Variants in GALNT13 observed in about 807,000 individuals in gnomAD.
GALNT13 encodes UDP-GalNAc:polypeptide N-acetylgalactosaminyltransferase 13.
A neutral mutation model predicts 64.2 loss-of-function variants in GALNT13; 28 were observed. The ratio of observed to expected loss-of-function variants is 0.44; its 90% CI spans 0.32 to 0.60. The LOEUF (loss-of-function observed/expected upper bound fraction) is 0.60. GALNT13 is among the 20% of genes least tolerant of loss of function. GALNT13 has a pLI of 0.05. For synonymous variants in GALNT13, 214 were observed against 224.6 expected, an observed-to-expected ratio of 0.95 and a Z score of 0.42; for missense variants, 577 against 669.8, an observed-to-expected ratio of 0.86 and a Z score of 1.53.
the GALNT13 span, among the ~76,000 whole-genome samples, chr2:153,721,420 C>T: frequency 7.6e-5 from 11 of 144,718 alleles, no homozygotes; most frequent in African/African-American, 2.7e-4. Context: ...GCAAAATCAC[C>T]AGCTAACATC....
At chr2:153,794,345 C>T in the GALNT13 span, among the ~76,000 whole-genome samples, 3 of 151,948 alleles carry the variant, frequency 2.0e-5, no homozygotes, top group Non-Finnish European at 4.4e-5. Flanking sequence ...TCTCTCTCTC[C>T]TAAGTCATTT....
the GALNT13 span, chr2:153,421,471 G>T: frequency 4.5e-6 from 1 of 221,464 alleles, no homozygotes; most frequent in South Asian, 9.0e-5. Context: ...GAAACCTGCA[G>T]GGCTAGGTAA....
chr2:154,263,953 G>T (rs1206552918), intron 8 of GALNT13, among the ~76,000 whole-genome samples: 1 of 152,146 alleles, frequency 6.6e-6, no homozygotes, highest in Admixed American at 6.5e-5. Context: ...CAATTGCCTC[G>T]GCTTACTGCC....
chr2:154,436,148 G>A (rs1288451096), intron 11 of GALNT13: 1 of 152,054 alleles, frequency 6.6e-6, no homozygotes, highest in Non-Finnish European at 1.5e-5. Flanking sequence ...AACATTGCTT[G>A]TGAGCCAAAT....
At chr2:154,019,592 G>C (rs1574342402) in intron 3 of GALNT13, among the ~76,000 whole-genome samples, 1 of 138,544 alleles carries the variant, frequency 7.2e-6, no homozygotes, top group Admixed American at 7.6e-5. Context: ...CCTGGCCACA[G>C]AGTAAGACTC....
chr2:153,932,102 T>A (rs1422841383), intron 2 of GALNT13, among the ~76,000 whole-genome samples: 1 of 152,146 alleles, frequency 6.6e-6, no homozygotes, highest in Non-Finnish European at 1.5e-5. Context: ...TTTATAATAG[T>A]CTGAGGTTTT....
chr2:153,715,764 C>A, the GALNT13 span, among the ~76,000 whole-genome samples: 1 of 152,036 alleles, frequency 6.6e-6, no homozygotes. Flanking sequence ...ATATTAACAT[C>A]CTCAATTCTC....
At chr2:153,891,783 A>C (rs1687569148) in intron 1 of GALNT13, among the ~76,000 whole-genome samples, 1 of 152,066 alleles carries the variant, frequency 6.6e-6, no homozygotes, top group South Asian at 2.1e-4. Flanking sequence ...GTTAAATTTC[A>C]AATTCTTTAG....
At chr2:153,651,024 A>G in the GALNT13 span, among the ~76,000 whole-genome samples, 11 of 152,148 alleles carry the variant, frequency 7.2e-5, no homozygotes, top group Non-Finnish European at 1.2e-4. Context: ...TCGCAGACCA[A>G]TGGGCATAAA....
intron 9 of GALNT13, among the ~76,000 whole-genome samples, chr2:154,393,854 G>C (rs1201326985): frequency 6.6e-6 from 1 of 151,418 alleles, no homozygotes; most frequent in Non-Finnish European, 1.5e-5. Context: ...CGAGGCGGGC[G>C]GATCACGAGG....
At chr2:153,473,966 A>G in the GALNT13 span, among the ~76,000 whole-genome samples, 1 of 152,256 alleles carries the variant, frequency 6.6e-6, no homozygotes. Context: ...GTCCTTTGAG[A>G]ACGCAGAGAC....
At chr2:153,316,639 CAAAAAAA>C in the GALNT13 span, among the ~76,000 whole-genome samples, 1 of 69,842 alleles carries the variant, frequency 1.4e-5, no homozygotes, top group Non-Finnish European at 2.6e-5. Flanking sequence ...GACTCCGTCT[CAAAAAAA>C]AAAAAAAAAA....
At chr2:153,583,584 C>G in the GALNT13 span, among the ~76,000 whole-genome samples, 1 of 152,168 alleles carries the variant, frequency 6.6e-6, no homozygotes, top group Non-Finnish European at 1.5e-5. Context: ...CACTTTCCCA[C>G]TGCGGAATCA....
downstream of GALNT13, among the ~76,000 whole-genome samples, chr2:154,454,044 G>A (rs1441946588): frequency 6.6e-6 from 1 of 152,062 alleles, no homozygotes; most frequent in African/African-American, 2.4e-5. Flanking sequence ...CCACTTGAAG[G>A]TATAAGATTT....
the GALNT13 span, among the ~76,000 whole-genome samples, chr2:153,162,946 G>A: frequency 6.6e-6 from 1 of 152,268 alleles, no homozygotes; most frequent in African/African-American, 2.4e-5. Flanking sequence ...GAGAGAGGCT[G>A]GGGCCTCTCT....
chr2:153,783,733 A>G, the GALNT13 span, among the ~76,000 whole-genome samples: 12,673 of 152,104 alleles, frequency 0.083, 1,139 homozygotes, highest in African/African-American at 0.22. Flanking sequence ...AGTTCTCATG[A>G]GATCTGATGG....
intron 4 of GALNT13, among the ~76,000 whole-genome samples, chr2:154,159,327 G>A (rs1303586853): frequency 3.9e-5 from 6 of 151,946 alleles, no homozygotes; most frequent in African/African-American, 1.2e-4. Flanking sequence ...TAGAGATGAG[G>A]TTTCACCATG....
the GALNT13 span, among the ~76,000 whole-genome samples, chr2:153,551,245 C>T: frequency 6.6e-6 from 1 of 152,184 alleles, no homozygotes; most frequent in African/African-American, 2.4e-5. Context: ...GTGTGAGACT[C>T]TGCTGACCAC....
At chr2:154,281,793 A>G (rs1559066050) in intron 8 of GALNT13, among the ~76,000 whole-genome samples, 1 of 151,824 alleles carries the variant, frequency 6.6e-6, no homozygotes, top group Non-Finnish European at 1.5e-5. Flanking sequence ...CTTTCACTCT[A>G]CTTTTTCCTC....
Sources: allele counts gnomAD v4.1 joint callset (sites outside exome capture counted in the v4.1 genomes callset), GRCh38; gene constraint gnomAD v4.1.1; transcripts MANE v1.5; gene names NCBI Gene and HGNC (gene_info 2026-07-23, HGNC 2026-07-21).